The following DCAF1 variants were observed in gnomAD, a reference collection of about 807,000 sequenced individuals.
The protein encoded by DCAF1 is DDB1- and CUL4-associated factor 1.
A neutral mutation model predicts 128.0 loss-of-function variants in DCAF1; 15 were observed. The observed-to-expected ratio is 0.12, with a 90% CI of 0.08 to 0.18. The LOEUF is 0.18. Among genes scored for constraint, DCAF1 ranks in the 10% least tolerant of loss-of-function variants. The probability of loss-of-function intolerance (pLI) is 1.00; values close to 1 mark genes in which losing one functional copy is unlikely to be tolerated. For synonymous variants in DCAF1, 610 were observed against 603.0 expected (o/e 1.01, Z -0.17); for missense variants, 988 against 1,649.5 (o/e 0.60, Z 6.95).
At chr3:51,401,877 C>G (rs2089726937) in intron 24 of DCAF1, among the ~76,000 whole-genome samples, 1 of 152,212 alleles carries the variant, frequency 6.6e-6, no homozygotes, top group African/African-American at 2.4e-5. Context: ...AGGCTTCGGC[C>G]TACTCCACTG....
At chr3:51,479,141 T>C (rs971025479) in intron 3 of DCAF1, among the ~76,000 whole-genome samples, 3 of 152,122 alleles carry the variant, frequency 2.0e-5, no homozygotes, top group African/African-American at 7.2e-5. Context: ...AATAAAATTA[T>C]ATACCATACA....
chr3:51,413,739 G>T (rs1698636660), intron 20 of DCAF1, among the ~76,000 whole-genome samples: 1 of 152,124 alleles, frequency 6.6e-6, no homozygotes, highest in Non-Finnish European at 1.5e-5. Flanking sequence ...AGATTTCCTT[G>T]TTATCTTCAA....
intron 2 of DCAF1, among the ~76,000 whole-genome samples, chr3:51,491,924 G>A (rs557889175): frequency 2.6e-5 from 4 of 152,002 alleles, no homozygotes; most frequent in Admixed American, 6.6e-5. Context: ...GTGGGAGGCC[G>A]AGGTGGGCAG....
At chr3:51,492,924 G>A (rs1190144830) in intron 2 of DCAF1, among the ~76,000 whole-genome samples, 2 of 151,996 alleles carry the variant, frequency 1.3e-5, no homozygotes, top group East Asian at 3.9e-4. Flanking sequence ...AACCCGGGAG[G>A]TGGAGCTTGC....
At chr3:51,469,803 T>C (rs1161169585) in intron 4 of DCAF1, among the ~76,000 whole-genome samples, 1 of 151,832 alleles carries the variant, frequency 6.6e-6, no homozygotes, top group Non-Finnish European at 1.5e-5. Flanking sequence ...GGTGGATCAC[T>C]TGAGGTCAGG....
chr3:51,419,008 C>T (rs1282825220), intron 15 of DCAF1, 132 bp from the exon 16 acceptor site: 18 of 1,358,496 alleles, frequency 1.3e-5, no homozygotes, highest in Non-Finnish European at 1.7e-5. Flanking sequence ...CAGTGACCTT[C>T]AGTGCTTTTT....
chr3:51,425,548 T>C (rs904911069), intron 13 of DCAF1, among the ~76,000 whole-genome samples: 2 of 144,192 alleles, frequency 1.4e-5, no homozygotes, highest in Non-Finnish European at 3.0e-5. Flanking sequence ...AGTTATCTTG[T>C]AAGCTGTCAT....
intron 6 of DCAF1, among the ~76,000 whole-genome samples, chr3:51,451,388 G>C (rs1702336763): frequency 6.6e-6 from 1 of 152,008 alleles, no homozygotes; most frequent in Non-Finnish European, 1.5e-5. Flanking sequence ...AACCAAGCCA[G>C]GGAGGATCAT....
In DCAF1 at chr3:51,476,704, T is replaced by C. The variant is rs564387963; in HGVS notation, c.111-5699A>G. On this transcript the variant is annotated intron_variant, in intron 3 of 24. Transcript: ENST00000684031. ...CATCCTGGCTAACACGGTGAAACCC[T>C]GTCTCTACTAAAAATACAAAAAAAT... is the stretch of plus-strand genomic sequence containing the variant. 2.7e-4 allele frequency among the ~76,000 whole-genome samples: 41 copies of C among 150,844 alleles called. 1 individual carries two copies. The South Asian group carries it at 8.6e-3, about 32-fold the overall frequency.
intron 6 of DCAF1, among the ~76,000 whole-genome samples, chr3:51,460,376 G>A (rs371952199): frequency 6.6e-6 from 1 of 152,092 alleles, no homozygotes; most frequent in Non-Finnish European, 1.5e-5. Flanking sequence ...CCTCTTCAAG[G>A]AGAACTACAA....
chr3:51,463,288 T>A (rs1703802890), intron 5 of DCAF1, 61 bp from the exon 6 acceptor site: 2 of 1,111,792 alleles, frequency 1.8e-6, no homozygotes, highest in African/African-American at 3.2e-5. Flanking sequence ...ATTAAGGACA[T>A]CTAATAAAAC....
intron 2 of DCAF1, among the ~76,000 whole-genome samples, chr3:51,485,661 A>T (rs898993522): frequency 6.6e-6 from 1 of 152,182 alleles, no homozygotes; most frequent in Non-Finnish European, 1.5e-5. Context: ...TCTAAAATGA[A>T]CTCTTCTAAA....
chr3:51,446,447 C>A (rs2107758801), intron 6 of DCAF1, among the ~76,000 whole-genome samples: 1 of 152,072 alleles, frequency 6.6e-6, no homozygotes, highest in South Asian at 2.1e-4. Context: ...GGCAACGTAG[C>A]AAGACCCCAT....
At chr3:51,434,388 AAAGT>A (rs1700641123) in intron 9 of DCAF1, among the ~76,000 whole-genome samples, 1 of 152,206 alleles carries the variant, frequency 6.6e-6, no homozygotes, top group African/African-American at 2.4e-5. Context: ...CCTGGGTGAC[AAAGT>A]AAGACCCTGT....
intron 9 of DCAF1, among the ~76,000 whole-genome samples, chr3:51,433,803 G>A (rs919217651): frequency 2.7e-5 from 4 of 150,912 alleles, no homozygotes; most frequent in African/African-American, 9.7e-5. Context: ...TGTAAGGGCT[G>A]GGTGCAGTGG....
At chr3:51,441,185 T>C (rs1701326598) in intron 8 of DCAF1, 114 bp from the exon 9 acceptor site, 1 of 1,187,964 alleles carries the variant, frequency 8.4e-7, no homozygotes, top group East Asian at 2.5e-5. Context: ...CCTCCCTCCC[T>C]GTGAAGATAA....
intron 2 of DCAF1, among the ~76,000 whole-genome samples, chr3:51,496,532 C>T (rs1269276491): frequency 2.0e-5 from 3 of 151,546 alleles, no homozygotes; most frequent in Non-Finnish European, 4.4e-5. Context: ...AATGGTGACA[C>T]GGTAGTTACC....
At chr3:51,495,076 A>G (rs1708085987) in intron 2 of DCAF1, among the ~76,000 whole-genome samples, 1 of 152,140 alleles carries the variant, frequency 6.6e-6, no homozygotes, top group Non-Finnish European at 1.5e-5. Context: ...TAATCCCTGC[A>G]CTTTGGGAGG....
At chr3:51,406,964 C>T (rs959038137) in intron 23 of DCAF1, among the ~76,000 whole-genome samples, 9 of 152,076 alleles carry the variant, frequency 5.9e-5, no homozygotes, top group Non-Finnish European at 1.0e-4. Flanking sequence ...GAGGCCAAGG[C>T]GGGTGGATCA....
Sources: gnomAD v4.1 joint callset for allele counts (sites outside exome capture counted in the v4.1 genomes callset) on GRCh38, gnomAD v4.1.1 for gene constraint, MANE v1.5 for transcripts, NCBI Gene and HGNC (gene_info 2026-07-23, HGNC 2026-07-21) for gene names.